HDAC9: variants seen among roughly 807,000 people sequenced by gnomAD.
HDAC9 encodes histone deacetylase 9.
Under a neutral mutation model 139.4 loss-of-function variants are expected in HDAC9, and 41 were observed. That is an observed-to-expected ratio of 0.29 (90% CI 0.23 to 0.38). HDAC9 has a LOEUF of 0.38. HDAC9 is among the 10% of genes least tolerant of loss of function. HDAC9 has a pLI of 1.00. For synonymous variants in HDAC9, 517 were observed against 476.2 expected (o/e 1.09, Z -1.12); for missense variants, 1,147 against 1,297.0 (o/e 0.88, Z 1.78).
At chr7:18,821,308 G>A (rs1282630400) in intron 17 of HDAC9, among the ~76,000 whole-genome samples, 1 of 152,170 alleles carries the variant, frequency 6.6e-6, no homozygotes, top group African/African-American at 2.4e-5. Context: ...GAACACAGAG[G>A]AACTTGATGG....
chr7:18,101,906 A>G (rs972366039), intron 1 of HDAC9, among the ~76,000 whole-genome samples: 4 of 152,198 alleles, frequency 2.6e-5, no homozygotes, highest in Non-Finnish European at 5.9e-5. Flanking sequence ...TCTTGAATCT[A>G]GTAAATGTGA....
intron 2 of HDAC9, among the ~76,000 whole-genome samples, chr7:18,552,242 A>T (rs973987605): frequency 1.3e-5 from 2 of 152,180 alleles, no homozygotes; most frequent in Admixed American, 6.5e-5. Flanking sequence ...ATTATTAGTA[A>T]TGCAAATTAT....
chr7:18,822,738 T>C (rs1795082849), intron 17 of HDAC9, among the ~76,000 whole-genome samples: 1 of 152,212 alleles, frequency 6.6e-6, no homozygotes, highest in Non-Finnish European at 1.5e-5. Context: ...TGTGCCAGAT[T>C]GCCTGGAATA....
intron 2 of HDAC9, among the ~76,000 whole-genome samples, chr7:18,523,063 A>G (rs949310489): frequency 6.6e-6 from 1 of 152,182 alleles, no homozygotes; most frequent in African/African-American, 2.4e-5. Flanking sequence ...TTCAAAGGAA[A>G]TAAATGAAGG....
At chr7:18,736,938 C>T (rs1444110960) in intron 13 of HDAC9, among the ~76,000 whole-genome samples, 1 of 152,124 alleles carries the variant, frequency 6.6e-6, no homozygotes, top group Non-Finnish European at 1.5e-5. Flanking sequence ...TTCATAGATT[C>T]AACTTCTTCC....
At position 18,590,368 on chromosome 7, in the gene HDAC9, A is replaced by G; in HGVS notation, c.297A>G (p.Gln99=). The G allele has an allele frequency of 6.2e-7, 1 of 1,612,372 alleles. No homozygotes were observed. The highest frequency in any genetic ancestry group is 8.5e-7 in the Non-Finnish European group (1 of 1,179,216). The change falls in exon 4 of 26, where the codon CAA becomes CAG. Residue 99 remains glutamine (Q), a synonymous_variant. Transcript: ENST00000686413. The part of the protein sequence containing the change: ...LQQELLAIKQ[Q]QELLEKEQKL... ...AGGAACTTCTAGCCATAAAACAGCAACAAGAACTCCTAGAAAAGGAGCAGA... is the reference window on the plus strand; with the variant it reads ...AGGAACTTCTAGCCATAAAACAGCAGCAAGAACTCCTAGAAAAGGAGCAGA...
At chr7:18,109,283 AC>A (rs1783444321) in intron 1 of HDAC9, among the ~76,000 whole-genome samples, 1 of 152,222 alleles carries the variant, frequency 6.6e-6, no homozygotes, top group Non-Finnish European at 1.5e-5. Context: ...GGATATTAGT[AC>A]TACCTACACT....
At chr7:18,720,191 C>A (rs1785037533) in intron 12 of HDAC9, among the ~76,000 whole-genome samples, 1 of 151,946 alleles carries the variant, frequency 6.6e-6, no homozygotes, top group Non-Finnish European at 1.5e-5. Context: ...AATTTATGTT[C>A]TTTCTTATAT....
chr7:18,833,218 A>T (rs1381889658), intron 19 of HDAC9, among the ~76,000 whole-genome samples: 1 of 152,224 alleles, frequency 6.6e-6, no homozygotes, highest in Non-Finnish European at 1.5e-5. Context: ...TTATGCTGTG[A>T]ACAGGATTTT....
rs919110450 is a variant in HDAC9 at position 18,826,738 on chromosome 7, T to C, written c.2323-2423T>C. ...TTCCATTTTGTTTCTTAACATGAAC[T>C]CTAGAGTCAGGTTGACTTTCTTCCA... On this transcript the variant is annotated intron_variant, in intron 17 of 25. Coordinates refer to ENST00000686413, the MANE Select transcript of HDAC9 (RefSeq NM_178425.4). Among the ~76,000 whole-genome samples the C allele has an allele frequency of 7.3e-5, 11 of 150,246 alleles. No homozygotes were observed. The Admixed American group carries it at 7.3e-4, about 10-fold the overall frequency.
chr7:18,371,448 G>C (rs1295619530), intron 1 of HDAC9, among the ~76,000 whole-genome samples: 1 of 152,048 alleles, frequency 6.6e-6, no homozygotes, highest in East Asian at 1.9e-4. Flanking sequence ...ATATCTTTTT[G>C]TGTGTATATT....
At chr7:18,849,405 T>C (rs1797123142) in intron 21 of HDAC9, among the ~76,000 whole-genome samples, 2 of 152,020 alleles carry the variant, frequency 1.3e-5, no homozygotes, top group Admixed American at 1.3e-4. Context: ...CTCAGTGAAT[T>C]TTCTTAGGGT....
intron 1 of HDAC9, among the ~76,000 whole-genome samples, chr7:18,134,909 G>A (rs1785280740): frequency 6.6e-6 from 1 of 152,072 alleles, no homozygotes; most frequent in Admixed American, 6.6e-5. Context: ...TTAGAATATA[G>A]CATTGAATCA....
chr7:18,622,345 A>G (rs1333165230), intron 6 of HDAC9, among the ~76,000 whole-genome samples: 3 of 152,160 alleles, frequency 2.0e-5, no homozygotes, highest in Non-Finnish European at 4.4e-5. Flanking sequence ...TTATTTAGAG[A>G]GGGAGTCTCG....
intron 1 of HDAC9, among the ~76,000 whole-genome samples, chr7:18,450,779 C>A (rs955467330): frequency 2.0e-5 from 3 of 152,084 alleles, no homozygotes; most frequent in Non-Finnish European, 4.4e-5. Context: ...AGAGGTGAAG[C>A]TTCAGAGATT....
intron 1 of HDAC9, among the ~76,000 whole-genome samples, chr7:18,461,984 A>G (rs1793889696): frequency 6.6e-6 from 1 of 152,118 alleles, no homozygotes; most frequent in Admixed American, 6.6e-5. Flanking sequence ...GAAACTGAGC[A>G]GTGTGGTCGT....
At chr7:18,322,645 T>C (rs895603089) in intron 1 of HDAC9, among the ~76,000 whole-genome samples, 2 of 152,208 alleles carry the variant, frequency 1.3e-5, no homozygotes, top group Non-Finnish European at 2.9e-5. Context: ...ATCATGCTGA[T>C]TGCCGATTGG....
intron 22 of HDAC9, among the ~76,000 whole-genome samples, chr7:18,882,029 T>G (rs1279976210): frequency 6.6e-6 from 1 of 152,104 alleles, no homozygotes; most frequent in Admixed American, 6.6e-5. Flanking sequence ...TTAACCTCTT[T>G]CATCTGCTTC....
In HDAC9 at chr7:18,954,468, T is replaced by G. The variant is rs147189998; in HGVS notation, c.3022+238T>G. Among the ~76,000 whole-genome samples the G allele has an allele frequency of 3.8e-3, 570 of 151,282 alleles. 1 individual carries two copies. Among genetic ancestry groups the G allele is most frequent in the African/African-American group, 0.013 (523 of 40,714 alleles). ...CTCATGTATTTCAGGTATTTGGAGTTTTTACCATTATGATCACTAAGCATT... is the reference window on the plus strand; with the variant it reads ...CTCATGTATTTCAGGTATTTGGAGTGTTTACCATTATGATCACTAAGCATT... On this transcript the variant is annotated intron_variant, in intron 24 of 25. Coordinates refer to ENST00000686413, the MANE Select transcript of HDAC9 (RefSeq NM_178425.4).
Sources: allele counts gnomAD v4.1 joint callset (sites outside exome capture counted in the v4.1 genomes callset), GRCh38; gene constraint gnomAD v4.1.1; transcripts MANE v1.5; gene names NCBI Gene and HGNC (gene_info 2026-07-23, HGNC 2026-07-21).